GRIN2A: variants seen among roughly 807,000 people sequenced by gnomAD.
GRIN2A encodes the protein glutamate receptor ionotropic, NMDA 2A.
A neutral mutation model predicts 113.4 loss-of-function variants in GRIN2A; 22 were observed. That is an observed-to-expected ratio of 0.19 (90% CI 0.14 to 0.28). GRIN2A has a LOEUF of 0.28. GRIN2A is among the 10% of genes least tolerant of loss of function. The pLI, the probability that GRIN2A is intolerant of heterozygous loss-of-function variation, is 1.00. For missense variants in GRIN2A, 1,502 were observed against 1,887.0 expected (o/e 0.80, Z 3.78); for synonymous variants, 827 against 738.4 (o/e 1.12, Z -1.94).
intron 2 of GRIN2A, among the ~76,000 whole-genome samples, chr16:10,008,328 T>G (rs887406772): frequency 6.6e-6 from 1 of 152,210 alleles, no homozygotes; most frequent in Non-Finnish European, 1.5e-5. Context: ...GAGATATCCA[T>G]CTTCTAATAC....
At chr16:9,811,727 C>T (rs1466197100) in intron 10 of GRIN2A, among the ~76,000 whole-genome samples, 1 of 152,202 alleles carries the variant, frequency 6.6e-6, no homozygotes, top group Non-Finnish European at 1.5e-5. Flanking sequence ...TGACTGCACT[C>T]TAGCCCTGGT....
At chr16:9,978,945 A>G (rs2045830038) in intron 2 of GRIN2A, among the ~76,000 whole-genome samples, 2 of 152,222 alleles carry the variant, frequency 1.3e-5, no homozygotes, top group Admixed American at 1.3e-4. Flanking sequence ...AAGACATTAA[A>G]AAGTAGTGCC....
intron 2 of GRIN2A, among the ~76,000 whole-genome samples, chr16:10,173,923 C>T (rs1003331343): frequency 6.6e-6 from 1 of 152,144 alleles, no homozygotes. Flanking sequence ...GCTCCTAAGA[C>T]ATAGAATTTT....
At chr16:9,914,124 T>C (rs531807303) in intron 3 of GRIN2A, among the ~76,000 whole-genome samples, 2 of 149,924 alleles carry the variant, frequency 1.3e-5, no homozygotes, top group African/African-American at 4.9e-5. Flanking sequence ...GCAGTTCCAG[T>C]ATTAGAATAA....
intron 2 of GRIN2A, among the ~76,000 whole-genome samples, chr16:10,029,922 G>C (rs916866122): frequency 2.0e-5 from 3 of 152,078 alleles, no homozygotes; most frequent in African/African-American, 7.2e-5. Flanking sequence ...GCTTGAACCC[G>C]GGAGGCAGAG....
intron 3 of GRIN2A, among the ~76,000 whole-genome samples, chr16:9,906,896 G>A (rs958183690): frequency 6.6e-6 from 1 of 152,216 alleles, no homozygotes; most frequent in African/African-American, 2.4e-5. Flanking sequence ...AGGCTGGAGT[G>A]CAGTGGCACA....
At chr16:9,889,280 T>C (rs1313208212) in intron 4 of GRIN2A, among the ~76,000 whole-genome samples, 2 of 152,196 alleles carry the variant, frequency 1.3e-5, no homozygotes, top group Admixed American at 6.5e-5. Context: ...TATCTTTTAA[T>C]GCCTGTAGGA....
intron 2 of GRIN2A, among the ~76,000 whole-genome samples, chr16:9,967,615 AGAATCGCTT>A (rs1383254636): frequency 6.6e-6 from 1 of 152,212 alleles, no homozygotes; most frequent in Admixed American, 6.5e-5. Context: ...CTGAGGCAGT[AGAATCGCTT>A]GAACCTGGAA....
At chr16:10,136,063 A>T (rs1596542472) in intron 2 of GRIN2A, among the ~76,000 whole-genome samples, 1 of 152,156 alleles carries the variant, frequency 6.6e-6, no homozygotes, top group African/African-American at 2.4e-5. Context: ...TAAGTGAGCA[A>T]GTCTAAAAGC....
At chr16:10,039,614 GGCGCGGGGAGGGTCT>G (rs894362448) in intron 2 of GRIN2A, among the ~76,000 whole-genome samples, 7 of 151,894 alleles carry the variant, frequency 4.6e-5, no homozygotes, top group East Asian at 2.0e-4. Context: ...GGTGGCGTTG[GGCGCGGGGAGGGTCT>G]GCGCGGGGAG....
chr16:9,783,468 C>T (rs567928548), intron 11 of GRIN2A, among the ~76,000 whole-genome samples: 29 of 152,336 alleles, frequency 1.9e-4, no homozygotes, highest in Admixed American at 7.2e-4. Context: ...ATGTCTATTT[C>T]GATCCTTCCT....
At chr16:9,860,865 C>G (rs374909364) in intron 4 of GRIN2A, among the ~76,000 whole-genome samples, 1 of 152,046 alleles carries the variant, frequency 6.6e-6, no homozygotes, top group African/African-American at 2.4e-5. Context: ...GATCCATGTT[C>G]GATATAGTAT....
At chr16:10,107,461 G>C (rs914746200) in intron 2 of GRIN2A, among the ~76,000 whole-genome samples, 5 of 152,308 alleles carry the variant, frequency 3.3e-5, no homozygotes, top group African/African-American at 1.2e-4. Context: ...AGTACTTACA[G>C]GATCCTGCTG....
chr16:9,999,591 G>C (rs147497242), intron 2 of GRIN2A, among the ~76,000 whole-genome samples: 305 of 152,228 alleles, frequency 2.0e-3, no homozygotes, highest in Middle Eastern at 3.4e-3. Flanking sequence ...GGGCCTGTCA[G>C]GGGTTGGGGG....
intron 2 of GRIN2A, among the ~76,000 whole-genome samples, chr16:10,168,704 C>T (rs546475977): frequency 2.6e-5 from 4 of 152,256 alleles, no homozygotes; most frequent in South Asian, 2.1e-4. Context: ...CCGTGGCTAA[C>T]GCCTGTAGTC....
chr16:10,027,283 G>A (rs1305041912), intron 2 of GRIN2A, among the ~76,000 whole-genome samples: 1 of 152,166 alleles, frequency 6.6e-6, no homozygotes, highest in Non-Finnish European at 1.5e-5. Context: ...GGCTCAGAGA[G>A]AACAGACTTT....
At chr16:9,845,302 A>T (rs1436768768) in intron 5 of GRIN2A, among the ~76,000 whole-genome samples, 1 of 152,176 alleles carries the variant, frequency 6.6e-6, no homozygotes, top group Non-Finnish European at 1.5e-5. Flanking sequence ...TTCCTCATAC[A>T]AATGTGACTC....
At chr16:10,050,452 A>G (rs2047338744) in intron 2 of GRIN2A, among the ~76,000 whole-genome samples, 1 of 152,098 alleles carries the variant, frequency 6.6e-6, no homozygotes, top group Non-Finnish European at 1.5e-5. Context: ...AAGTGGCAGC[A>G]TTAGAATCTC....
At chr16:10,014,126 G>C (rs1298575791) in intron 2 of GRIN2A, among the ~76,000 whole-genome samples, 3 of 152,224 alleles carry the variant, frequency 2.0e-5, no homozygotes, top group African/African-American at 7.2e-5. Context: ...GCTAATAAAT[G>C]GGTAGGTGGT....
Sources: allele counts gnomAD v4.1 joint callset (sites outside exome capture counted in the v4.1 genomes callset), GRCh38; gene constraint gnomAD v4.1.1; transcripts MANE v1.5; gene names NCBI Gene and HGNC (gene_info 2026-07-23, HGNC 2026-07-21).